The following NAALADL2 variants were observed in gnomAD, a reference collection of about 807,000 sequenced individuals.
The protein encoded by NAALADL2 is inactive N-acetylated-alpha-linked acidic dipeptidase-like protein 2.
NAALADL2 carries 76 observed loss-of-function variants against 87.2 expected under a neutral mutation model. The observed-to-expected ratio is 0.87, with a 90% CI of 0.72 to 1.05. The LOEUF (loss-of-function observed/expected upper bound fraction) is 1.05, where lower values mean the gene tolerates loss of function less well. NAALADL2 is among the 50% of genes least tolerant of loss of function. The probability of loss-of-function intolerance (pLI) is 0.00; values close to 1 mark genes in which losing one functional copy is unlikely to be tolerated. For synonymous variants in NAALADL2, 354 were observed against 331.0 expected (o/e 1.07, Z -0.75); for missense variants, 1,089 against 945.8 (o/e 1.15, Z -1.99).
At chr3:175,677,169 C>T (rs574617274) in intron 11 of NAALADL2, among the ~76,000 whole-genome samples, 5 of 151,984 alleles carry the variant, frequency 3.3e-5, no homozygotes, top group South Asian at 4.2e-4. Flanking sequence ...TCAAGACCAT[C>T]CTGGCCAACG....
At chr3:174,705,984 T>G (rs1280143053) in intron 2 of NAALADL2, among the ~76,000 whole-genome samples, 1 of 152,172 alleles carries the variant, frequency 6.6e-6, no homozygotes, top group East Asian at 1.9e-4. Context: ...CAACTTCTAT[T>G]TAATCCCCAT....
At position 175,595,496 on chromosome 3, in the gene NAALADL2, C is replaced by T. The variant is rs146297434; in HGVS notation, c.1800+19309C>T. Among the ~76,000 whole-genome samples, 274 of 151,950 alleles carry T rather than the reference C, an allele frequency of 1.8e-3. 1 individual carries two copies. The highest frequency in any genetic ancestry group is 5.2e-3 in the African/African-American group (216 of 41,450). ...ACTTGAAAAACCCTAAATACTCCAC[C>T]GAAAGGCTGCTAGAACTGATAAACA... On this transcript the variant is annotated intron_variant, in intron 10 of 13. Transcript: ENST00000454872.
intron 1 of NAALADL2, among the ~76,000 whole-genome samples, chr3:174,518,121 A>T (rs182553014): frequency 6.6e-6 from 1 of 152,246 alleles, no homozygotes. Flanking sequence ...AATTTTTACT[A>T]TGTGGGAATG....
chr3:175,346,432 C>T (rs1286985138), intron 5 of NAALADL2, among the ~76,000 whole-genome samples: 1 of 152,070 alleles, frequency 6.6e-6, no homozygotes, highest in Non-Finnish European at 1.5e-5. Context: ...AATGAGCGCA[C>T]CAAAAAACTT....
chr3:174,829,563 C>A (rs1275307146), intron 3 of NAALADL2, among the ~76,000 whole-genome samples: 1 of 139,170 alleles, frequency 7.2e-6, no homozygotes, highest in South Asian at 2.2e-4. Context: ...GTGAATAATG[C>A]CGCAATAAAC....
intron 11 of NAALADL2, among the ~76,000 whole-genome samples, chr3:175,667,177 GAAAGAGAA>G (rs1301098486): frequency 9.2e-4 from 106 of 115,634 alleles, no homozygotes; most frequent in East Asian, 1.5e-3. Context: ...AAGAAAGAAA[GAAAGAGAA>G]AGAAAGAAAG....
intron 12 of NAALADL2, among the ~76,000 whole-genome samples, chr3:175,751,753 G>A (rs1047998999): frequency 1.5e-4 from 23 of 151,886 alleles, no homozygotes; most frequent in African/African-American, 4.8e-4. Flanking sequence ...TTGTTTAAAC[G>A]TACTTATTAT....
In NAALADL2 at chr3:175,557,043, T is replaced by C. The variant is rs146783285; in HGVS notation, c.1654-18998T>C. ...GTATTCATGGAAATGTACATAAAAG[T>C]GAACCTAAATATGTAATAAGTGTGT... is the stretch of plus-strand genomic sequence containing the variant. On this transcript the variant is annotated intron_variant, in intron 9 of 13. Coordinates refer to ENST00000454872, the MANE Select transcript of NAALADL2 (RefSeq NM_207015.3). Among the ~76,000 whole-genome samples the C allele has an allele frequency of 7.4e-3, 1,123 of 152,306 alleles. 15 individuals carry two copies. Among genetic ancestry groups the C allele is most frequent in the African/African-American group, 0.026 (1,074 of 41,532 alleles).
At chr3:175,223,094 CTGTGTGTGTGTGTGTG>C (rs71626203) in intron 2 of NAALADL2, among the ~76,000 whole-genome samples, 5 of 147,488 alleles carry the variant, frequency 3.4e-5, no homozygotes, top group African/African-American at 1.3e-4. Flanking sequence ...CATAGTTACT[CTGTGTGTGTGTGTGTG>C]TGTGTGTGTG....
chr3:175,029,818 G>C (rs1271803523), intron 1 of NAALADL2, among the ~76,000 whole-genome samples: 3 of 152,000 alleles, frequency 2.0e-5, no homozygotes, highest in Non-Finnish European at 4.4e-5. Context: ...TCCCCAAGAG[G>C]TAATGGCTCA....
At chr3:174,889,613 G>C (rs1042603916) in intron 1 of NAALADL2, among the ~76,000 whole-genome samples, 1 of 151,670 alleles carries the variant, frequency 6.6e-6, no homozygotes, top group Non-Finnish European at 1.5e-5. Flanking sequence ...CCAGATGACA[G>C]AGTATTTTAT....
At chr3:175,298,849 G>A (rs1472728863) in intron 4 of NAALADL2, among the ~76,000 whole-genome samples, 1 of 152,084 alleles carries the variant, frequency 6.6e-6, no homozygotes, top group Admixed American at 6.6e-5. Context: ...ACCTTCATGA[G>A]GTGCAAATTG....
intron 9 of NAALADL2, among the ~76,000 whole-genome samples, chr3:175,501,182 C>T (rs1729490188): frequency 6.6e-6 from 1 of 152,048 alleles, no homozygotes; most frequent in Admixed American, 6.6e-5. Flanking sequence ...CCATAGATTA[C>T]AAGTGACAGG....
intron 9 of NAALADL2, among the ~76,000 whole-genome samples, chr3:175,556,725 C>T (rs115391433): frequency 0.021 from 3,145 of 152,262 alleles, 82 homozygotes; most frequent in Admixed American, 0.061. Flanking sequence ...AGTTTAAAAA[C>T]TATCTTACAA....
At chr3:175,293,073 C>T (rs1755867614) in intron 4 of NAALADL2, among the ~76,000 whole-genome samples, 2 of 142,494 alleles carry the variant, frequency 1.4e-5, no homozygotes, top group African/African-American at 2.6e-5. Context: ...AGGGGGAACT[C>T]GGTTATTGTT....
rs1416272327 is a variant in NAALADL2 at position 175,300,775 on chromosome 3, ATTTATTTATTTAT to A, written c.940-23392_940-23380del. Among the ~76,000 whole-genome samples the A allele has an allele frequency of 1.2e-4, 17 of 143,972 alleles. No homozygotes were observed. The Middle Eastern group carries it at 0.011, about 90-fold the overall frequency. 94.5% of individuals were successfully genotyped at this position (143,972 alleles called of 152,430 possible). A position where few individuals can be genotyped will look rare whatever the true frequency, so the allele number is the denominator to read the frequency against. On this transcript the variant is annotated intron_variant, in intron 4 of 13. Coordinates refer to ENST00000454872, the MANE Select transcript of NAALADL2 (RefSeq NM_207015.3). ...TTTATTTTTATTTATTTATTTATTT[ATTTATTTATTTAT>A]TTTATTTTATTTTATTTATTTTGAG...
At chr3:175,402,786 T>A (rs1172972914) in intron 5 of NAALADL2, among the ~76,000 whole-genome samples, 4 of 152,068 alleles carry the variant, frequency 2.6e-5, no homozygotes, top group African/African-American at 4.8e-5. Flanking sequence ...TCTGAAAAAA[T>A]TGGCTCCCTC....
chr3:175,482,946 G>A (rs1216773595), intron 9 of NAALADL2, among the ~76,000 whole-genome samples: 5 of 151,808 alleles, frequency 3.3e-5, no homozygotes, highest in Admixed American at 6.6e-5. Context: ...TTCCAACAAC[G>A]TCTTTTGGAC....
chr3:175,656,111 G>A (rs1380843727), intron 11 of NAALADL2, among the ~76,000 whole-genome samples: 2 of 152,090 alleles, frequency 1.3e-5, no homozygotes, highest in Non-Finnish European at 2.9e-5. Flanking sequence ...CCAAACTTAA[G>A]TCTAGTATAC....
Sources: allele counts gnomAD v4.1 joint callset (sites outside exome capture counted in the v4.1 genomes callset), GRCh38; gene constraint gnomAD v4.1.1; transcripts MANE v1.5; gene names NCBI Gene and HGNC (gene_info 2026-07-23, HGNC 2026-07-21).